The following STRN variants were observed in gnomAD, a reference collection of about 807,000 sequenced individuals.
The protein encoded by STRN is protein phosphatase 2 regulatory subunit B'''alpha.
A neutral mutation model predicts 96.3 loss-of-function variants in STRN; 53 were observed. That is an observed-to-expected ratio of 0.55 (90% CI 0.44 to 0.69). The LOEUF is 0.69. Ranked by LOEUF, STRN falls within the 30% of genes least tolerant of loss-of-function variation. STRN has a pLI of 0.00. For synonymous variants in STRN, 428 were observed against 355.9 expected (o/e 1.20, Z -2.28); for missense variants, 987 against 963.9 (o/e 1.02, Z -0.32).
intron 2 of STRN, among the ~76,000 whole-genome samples, chr2:36,922,624 C>T (rs1452181905): frequency 6.6e-6 from 1 of 150,886 alleles, no homozygotes; most frequent in Non-Finnish European, 1.5e-5. Flanking sequence ...ACTCTTGCCC[C>T]CTCTACCATT....
At chr2:36,852,705 T>A (rs935661107) in intron 15 of STRN, among the ~76,000 whole-genome samples, 1 of 152,226 alleles carries the variant, frequency 6.6e-6, no homozygotes, top group African/African-American at 2.4e-5. Context: ...AACCCTAGAA[T>A]AGGTATTACA....
chr2:36,851,004 A>G lies in STRN; in HGVS notation c.2082T>C (p.Asn694=). Residue 694 remains asparagine (N), a synonymous_variant, in exon 16 of 18, where the codon AAT becomes AAC. Transcript: ENST00000263918. ...EDRHIKFYDN[N]TGKLIHSMVA... is the part of the protein sequence containing the mutation. The stretch of plus-strand genomic sequence containing the variant: ...CAATTCTTAATAAATTCTTACCTGT[A>G]TTGTTATCATAGAATTTGATGTGCC... The G allele has an allele frequency of 5.0e-6, 8 of 1,594,630 alleles. No individual in the cohort carries two copies. The highest frequency in any genetic ancestry group is 6.9e-6 in the Non-Finnish European group (8 of 1,167,790).
chr2:36,942,962 C>G (rs1204968341), intron 1 of STRN, among the ~76,000 whole-genome samples: 1 of 152,122 alleles, frequency 6.6e-6, no homozygotes, highest in East Asian at 1.9e-4. Context: ...TCCCAAAGTG[C>G]TGGGATTACA....
At chr2:36,929,274 A>T (rs1670505182) in intron 1 of STRN, among the ~76,000 whole-genome samples, 1 of 152,242 alleles carries the variant, frequency 6.6e-6, no homozygotes, top group Non-Finnish European at 1.5e-5. Context: ...AAAAGGATAT[A>T]TGTAAATAGG....
chr2:36,879,881 G>C (rs957483458), intron 9 of STRN, among the ~76,000 whole-genome samples: 13 of 152,020 alleles, frequency 8.6e-5, no homozygotes, highest in African/African-American at 2.9e-4. Context: ...TGTAATCTTA[G>C]TGTTTTGGGA....
intron 3 of STRN, among the ~76,000 whole-genome samples, chr2:36,914,132 G>C (rs1670031883): frequency 6.6e-6 from 1 of 152,140 alleles, no homozygotes. Flanking sequence ...TAGGACTACA[G>C]ACATGTGCCA....
intron 1 of STRN, among the ~76,000 whole-genome samples, chr2:36,936,386 G>A (rs1380136033): frequency 6.6e-6 from 1 of 152,080 alleles, no homozygotes; most frequent in Non-Finnish European, 1.5e-5. Flanking sequence ...AATGATAAAT[G>A]GTGCATAATT....
At chr2:36,864,297 T>C (rs922700348) in intron 12 of STRN, among the ~76,000 whole-genome samples, 21 of 152,216 alleles carry the variant, frequency 1.4e-4, no homozygotes, top group Admixed American at 1.0e-3. Flanking sequence ...GAGCTTGTCA[T>C]AGATGGCTCT....
At chr2:36,922,041 T>C (rs1250158868) in intron 2 of STRN, among the ~76,000 whole-genome samples, 3 of 152,210 alleles carry the variant, frequency 2.0e-5, no homozygotes, top group African/African-American at 7.2e-5. Context: ...GAAATGTCCT[T>C]GCTCTTAGGA....
At chr2:36,863,001 G>C (rs1229700020) in intron 12 of STRN, among the ~76,000 whole-genome samples, 3 of 152,166 alleles carry the variant, frequency 2.0e-5, no homozygotes, top group Non-Finnish European at 4.4e-5. Flanking sequence ...GGGATTATAA[G>C]CGTGAGCCAC....
chr2:36,921,089 A>G (rs772459576), intron 2 of STRN, among the ~76,000 whole-genome samples: 7 of 151,212 alleles, frequency 4.6e-5, no homozygotes, highest in Non-Finnish European at 8.9e-5. Context: ...AAAAAAAATA[A>G]TAATAATATA....
chr2:36,913,646 T>C (rs1396005971), intron 3 of STRN, among the ~76,000 whole-genome samples: 1 of 152,188 alleles, frequency 6.6e-6, no homozygotes, highest in Non-Finnish European at 1.5e-5. Context: ...CAACAGGGCA[T>C]TGTTGTCTTA....
intron 10 of STRN, among the ~76,000 whole-genome samples, chr2:36,877,239 C>A (rs1048753634): frequency 2.5e-4 from 38 of 152,124 alleles, no homozygotes; most frequent in African/African-American, 7.7e-4. Flanking sequence ...ACTAAAGAAG[C>A]AAGGCAAATA....
intron 10 of STRN, among the ~76,000 whole-genome samples, chr2:36,874,281 C>CAAAAACT (rs1668844514): frequency 6.7e-6 from 1 of 149,346 alleles, no homozygotes; most frequent in African/African-American, 2.5e-5. Context: ...AAAAAAAGAG[C>CAAAAACT]AAAAACTGTA....
intron 9 of STRN, among the ~76,000 whole-genome samples, chr2:36,882,356 G>A (rs1003983210): frequency 6.6e-6 from 1 of 152,032 alleles, no homozygotes; most frequent in Non-Finnish European, 1.5e-5. Context: ...ATGTCATGCT[G>A]AATTTTCAGC....
intron 9 of STRN, among the ~76,000 whole-genome samples, chr2:36,883,036 C>T (rs1451552455): frequency 6.6e-6 from 1 of 151,994 alleles, no homozygotes; most frequent in African/African-American, 2.4e-5. Flanking sequence ...ATATAATATA[C>T]AATCTTAAAA....
At chr2:36,938,507 C>T (rs563276360) in intron 1 of STRN, among the ~76,000 whole-genome samples, 2 of 151,976 alleles carry the variant, frequency 1.3e-5, no homozygotes, top group East Asian at 1.9e-4. Context: ...ACTAGTATAG[C>T]TCAAACCTGG....
chr2:36,877,892 T>C lies in STRN; in HGVS notation c.1322A>G (p.Asp441Gly). Reference sequence around the variant, plus strand: ...AACAAAAACAAAACTACTACTTACATCATAAGTTAGTGAGTCTGCTTCATT... The same window carrying C: ...AACAAAAACAAAACTACTACTTACACCATAAGTTAGTGAGTCTGCTTCATT... ...VANEADSLTY[D>G]IANNKDALRK... Residue 441 changes from aspartate (D) to glycine (G), a missense_variant and splice_region_variant, in exon 10 of 18, where the codon GAT becomes GGT. Transcript: ENST00000263918. The C allele has an allele frequency of 2.5e-6, 4 of 1,613,634 alleles. No individual in the cohort carries two copies. The South Asian group carries it at 3.3e-5, about 13-fold the overall frequency.
At chr2:36,923,511 T>G (rs1375452463) in intron 2 of STRN, among the ~76,000 whole-genome samples, 1 of 152,072 alleles carries the variant, frequency 6.6e-6, no homozygotes, top group Non-Finnish European at 1.5e-5. Context: ...GTTTTTTCTT[T>G]CCATGTCCCT....
Sources: gnomAD v4.1 joint callset for allele counts (sites outside exome capture counted in the v4.1 genomes callset) on GRCh38, gnomAD v4.1.1 for gene constraint, MANE v1.5 for transcripts, NCBI Gene and HGNC (gene_info 2026-07-23, HGNC 2026-07-21) for gene names.